MKLN1: variants seen among roughly 807,000 people sequenced by gnomAD.
The protein encoded by MKLN1 is muskelin 1.
A neutral mutation model predicts 99.0 loss-of-function variants in MKLN1; 18 were observed. That is an observed-to-expected ratio of 0.18 (90% CI 0.13 to 0.27). The LOEUF is 0.27. Among genes scored for constraint, MKLN1 ranks in the 10% least tolerant of loss-of-function variants. The pLI is 1.00. For synonymous variants in MKLN1, 288 were observed against 293.2 expected, an observed-to-expected ratio of 0.98 and a Z score of 0.18; for missense variants, 621 against 875.9, an observed-to-expected ratio of 0.71 and a Z score of 3.67.
At chr7:131,295,051 T>C (rs936768486) in intron 3 of MKLN1, among the ~76,000 whole-genome samples, 1 of 152,300 alleles carries the variant, frequency 6.6e-6, no homozygotes, top group African/African-American at 2.4e-5. Context: ...TCTTAACCTC[T>C]ACCGTGTGAC....
upstream of MKLN1, among the ~76,000 whole-genome samples, chr7:131,325,251 T>C (rs1302986265): frequency 6.6e-6 from 1 of 151,820 alleles, no homozygotes; most frequent in Admixed American, 6.6e-5. Context: ...AAAGAGAAAA[T>C]TAAAATATAT....
Position 131,379,456 on chromosome 7 carries a change from T to A in MKLN1, c.168+3963T>A, listed in dbSNP as rs187899099. 6.6e-4 allele frequency among the ~76,000 whole-genome samples: 101 copies of A among 152,192 alleles called. 1 individual carries two copies. Among genetic ancestry groups the A allele is most frequent in the Admixed American group, 2.2e-3 (33 of 15,290 alleles). On this transcript the variant is annotated intron_variant, in intron 2 of 17. Coordinates refer to ENST00000352689, the MANE Select transcript of MKLN1 (RefSeq NM_013255.5). ...ACACTAAAAAGTGATGTGGCAGATT[T>A]GAAAAAGAACCAAATAAAACTTCTA...
chr7:131,137,676 G>T (rs1795669248), intron 1 of MKLN1, among the ~76,000 whole-genome samples: 1 of 152,104 alleles, frequency 6.6e-6, no homozygotes, highest in Non-Finnish European at 1.5e-5. Flanking sequence ...CTGGGTTCAT[G>T]CAATTCTCCT....
At chr7:131,269,390 T>C (rs142227336) in intron 3 of MKLN1, among the ~76,000 whole-genome samples, 25 of 152,294 alleles carry the variant, frequency 1.6e-4, no homozygotes, top group African/African-American at 5.5e-4. Flanking sequence ...TGTCCTCACA[T>C]GGTGGAACGG....
upstream of MKLN1, among the ~76,000 whole-genome samples, chr7:131,326,184 T>C (rs3823483): frequency 0.48 from 72,286 of 151,918 alleles, 17,721 homozygotes; most frequent in Non-Finnish European, 0.54. Context: ...TCTTCAAAGA[T>C]AACCACTATA....
intron 2 of MKLN1, among the ~76,000 whole-genome samples, chr7:131,153,575 G>A (rs1795920123): frequency 6.6e-6 from 1 of 151,488 alleles, no homozygotes; most frequent in African/African-American, 2.4e-5. Context: ...TAACCCCAAT[G>A]TCTATTAATG....
chr7:131,264,395 C>T (rs1271886595), intron 3 of MKLN1, among the ~76,000 whole-genome samples: 1 of 152,124 alleles, frequency 6.6e-6, no homozygotes, highest in Admixed American at 6.6e-5. Context: ...TAAGGAAAAA[C>T]TATGCATCTG....
intron 9 of MKLN1, among the ~76,000 whole-genome samples, chr7:131,431,072 A>T (rs1426272611): frequency 6.6e-6 from 1 of 151,990 alleles, no homozygotes; most frequent in Non-Finnish European, 1.5e-5. Flanking sequence ...AAAAATAGAA[A>T]CTAGCTGGGC....
intron 1 of MKLN1, among the ~76,000 whole-genome samples, chr7:131,374,403 C>A (rs1043762903): frequency 1.3e-5 from 2 of 152,036 alleles, no homozygotes; most frequent in African/African-American, 2.4e-5. Flanking sequence ...TATTATATTA[C>A]GGTAAACACA....
At chr7:131,218,772 G>A (rs372652560) in intron 3 of MKLN1, among the ~76,000 whole-genome samples, 1 of 152,236 alleles carries the variant, frequency 6.6e-6, no homozygotes. Context: ...AGGTCTCTCT[G>A]ACCTTCCAAC....
chr7:131,227,465 T>C (rs1348742504), intron 3 of MKLN1, among the ~76,000 whole-genome samples: 1 of 144,134 alleles, frequency 6.9e-6, no homozygotes, highest in Non-Finnish European at 1.5e-5. Flanking sequence ...CTTTGTTTCT[T>C]TCTTTCTTTC....
intron 3 of MKLN1, among the ~76,000 whole-genome samples, chr7:131,219,622 T>C (rs1563256537): frequency 3.3e-5 from 5 of 150,844 alleles, no homozygotes; most frequent in Non-Finnish European, 5.9e-5. Context: ...TGGGAGGAAG[T>C]CTGTGAAATG....
At chr7:131,450,417 A>C (rs567050426) in intron 12 of MKLN1, among the ~76,000 whole-genome samples, 1 of 152,230 alleles carries the variant, frequency 6.6e-6, no homozygotes, top group South Asian at 2.1e-4. Flanking sequence ...AGTGAAGAAA[A>C]GAACATATTT....
upstream of MKLN1, among the ~76,000 whole-genome samples, chr7:131,325,939 C>G (rs971272645): frequency 1.3e-5 from 2 of 150,630 alleles, no homozygotes; most frequent in Non-Finnish European, 2.9e-5. Context: ...AGAGAAAAAT[C>G]AAGGCAGGTT....
At chr7:131,361,969 A>C (rs1800043199) in intron 1 of MKLN1, among the ~76,000 whole-genome samples, 1 of 152,044 alleles carries the variant, frequency 6.6e-6, no homozygotes, top group Non-Finnish European at 1.5e-5. Context: ...CAGTATGTAT[A>C]GTTTATTCAT....
chr7:131,120,986 T>C (rs2116194644), intron 1 of MKLN1, among the ~76,000 whole-genome samples: 1 of 152,332 alleles, frequency 6.6e-6, no homozygotes, highest in South Asian at 2.1e-4. Flanking sequence ...TAAAGACATA[T>C]GTGGGACTGG....
rs141560162 is a variant in MKLN1 at position 131,244,700 on chromosome 7, G to T, written c.-179+41726G>T. 9.1e-3 allele frequency among the ~76,000 whole-genome samples: 1,389 copies of T among 152,304 alleles called. 19 individuals carry two copies. The highest frequency in any genetic ancestry group is 0.031 in the African/African-American group (1,294 of 41,548). ...CGGTGATGACGATGATGACGATGATGCATGCAGTTGCCTCAAAAGGACTTT... is the reference window on the plus strand; with the variant it reads ...CGGTGATGACGATGATGACGATGATTCATGCAGTTGCCTCAAAAGGACTTT... On this transcript the variant is annotated intron_variant, in intron 3 of 7. Coordinates refer to the MKLN1 transcript ENST00000416992.
chr7:131,351,878 A>C (rs1799730259), intron 1 of MKLN1, among the ~76,000 whole-genome samples: 1 of 152,210 alleles, frequency 6.6e-6, no homozygotes, highest in South Asian at 2.1e-4. Flanking sequence ...TTGTTAGAAT[A>C]AACTATTTCA....
chr7:131,218,053 T>C (rs927243821), intron 3 of MKLN1, among the ~76,000 whole-genome samples: 4 of 152,132 alleles, frequency 2.6e-5, no homozygotes, highest in Admixed American at 6.6e-5. Flanking sequence ...GAATGGGGAA[T>C]GCTGATTGGT....
Sources: allele counts gnomAD v4.1 joint callset (sites outside exome capture counted in the v4.1 genomes callset), GRCh38; gene constraint gnomAD v4.1.1; transcripts MANE v1.5; gene names NCBI Gene and HGNC (gene_info 2026-07-23, HGNC 2026-07-21).